ADD3: variants seen among roughly 807,000 people sequenced by gnomAD.
The protein encoded by ADD3 is adducin 3.
Under a neutral mutation model 80.2 loss-of-function variants are expected in ADD3, and 25 were observed. The ratio of observed to expected loss-of-function variants is 0.31; its 90% confidence interval spans 0.23 to 0.44. The LOEUF (loss-of-function observed/expected upper bound fraction) is 0.44, where lower values mean the gene tolerates loss of function less well. Ranked by LOEUF, ADD3 falls within the 20% of genes least tolerant of loss-of-function variation. ADD3 has a pLI of 1.00. For missense variants in ADD3, 829 were observed against 847.5 expected (o/e 0.98, Z 0.27); for synonymous variants, 284 against 289.6 (o/e 0.98, Z 0.20).
At chr10:110,072,614 T>C (rs1180338760) in intron 1 of ADD3, among the ~76,000 whole-genome samples, 2 of 152,154 alleles carry the variant, frequency 1.3e-5, no homozygotes, top group Non-Finnish European at 2.9e-5. Flanking sequence ...ATCCCTCAAA[T>C]AGGAAATTAT....
At chr10:110,121,814 A>T (rs1388186366) in intron 8 of ADD3, 1 of 226,262 alleles carries the variant, frequency 4.4e-6, no homozygotes, top group South Asian at 1.8e-4. Context: ...AAACTTCAAG[A>T]AAAGAAATTT....
chr10:110,117,199 T>C (rs1013376587), intron 4 of ADD3, 143 bp from the exon 5 acceptor site: 2 of 515,530 alleles, frequency 3.9e-6, no homozygotes, highest in Non-Finnish European at 6.8e-6. Flanking sequence ...GAAAGTTTCA[T>C]GTTGTAGACC....
At chr10:110,093,041 T>C (rs1345126898) in intron 1 of ADD3, among the ~76,000 whole-genome samples, 3 of 152,112 alleles carry the variant, frequency 2.0e-5, no homozygotes, top group African/African-American at 7.2e-5. Flanking sequence ...ACATTTTTAG[T>C]AGAGATGGGG....
chr10:110,006,019 T>G (rs115186858), upstream of ADD3: 3 of 221,224 alleles, frequency 1.4e-5, no homozygotes, highest in African/African-American at 7.6e-5. Context: ...CCGCCGCCGC[T>G]GCTGCTGCTG....
At chr10:110,054,447 T>C (rs1857897404) in intron 1 of ADD3, among the ~76,000 whole-genome samples, 1 of 147,580 alleles carries the variant, frequency 6.8e-6, no homozygotes, top group Non-Finnish European at 1.5e-5. Context: ...CTCTTTTTTT[T>C]TTTTTTTTTT....
intron 1 of ADD3, among the ~76,000 whole-genome samples, chr10:110,084,379 A>G (rs1030873850): frequency 2.1e-4 from 32 of 152,222 alleles, no homozygotes; most frequent in Non-Finnish European, 8.8e-5. Context: ...GATAAAAGTT[A>G]ACAGTTTATT....
rs1853525621 is a variant in ADD3, at chr10:110,135,376, T to C, written c.*1758T>C. The C allele has an allele frequency of 6.6e-6, 1 of 152,652 alleles. No homozygotes were observed. Among genetic ancestry groups the C allele is most frequent in the Non-Finnish European group, 1.5e-5 (1 of 68,044 alleles). 9.5% of individuals were successfully genotyped at this position (152,652 alleles called of 1,614,324 possible). On this transcript the variant is annotated 3_prime_UTR_variant, in exon 15 of 15. Coordinates refer to ENST00000356080, the MANE Select transcript of ADD3 (RefSeq NM_016824.5). ...TATATCTAAATGAATGCAATGTGCA[T>C]AAATATTTTTTAAACATAACAGTGA...
intron 10 of ADD3, 100 bp from the exon 11 acceptor site, chr10:110,125,726 C>A: frequency 6.2e-6 from 5 of 810,278 alleles, no homozygotes; most frequent in Non-Finnish European, 5.5e-6. Context: ...ATTATTTAAA[C>A]ATTGGCAATG....
chr10:110,044,318 A>G (rs940975128), intron 1 of ADD3, among the ~76,000 whole-genome samples: 1 of 152,214 alleles, frequency 6.6e-6, no homozygotes, highest in Admixed American at 6.5e-5. Context: ...TTGTCGCTTT[A>G]TATTATTGTG....
At chr10:110,054,904 G>A (rs532541862) in intron 1 of ADD3, among the ~76,000 whole-genome samples, 26 of 152,192 alleles carry the variant, frequency 1.7e-4, no homozygotes, top group Middle Eastern at 3.4e-3. Flanking sequence ...ATGAGCCACC[G>A]CGCCTGGCCT....
At chr10:109,998,379 G>T (rs1301403935) in intron 1 of ADD3, among the ~76,000 whole-genome samples, 1 of 152,072 alleles carries the variant, frequency 6.6e-6, no homozygotes, top group Non-Finnish European at 1.5e-5. Flanking sequence ...ATATACCCAA[G>T]ATCTTTCACT....
chr10:110,007,119 T>A (rs746161764), upstream of ADD3, among the ~76,000 whole-genome samples: 3 of 152,090 alleles, frequency 2.0e-5, no homozygotes, highest in Non-Finnish European at 4.4e-5. Flanking sequence ...GCCCTGCAAT[T>A]GCGTGTTGCA....
intron 3 of ADD3, among the ~76,000 whole-genome samples, chr10:110,115,976 C>T (rs767937149): frequency 1.3e-5 from 2 of 152,150 alleles, no homozygotes; most frequent in Non-Finnish European, 2.9e-5. Flanking sequence ...ATATGTGTAA[C>T]CATTTTTCCC....
chr10:110,051,931 A>G (rs1245356222), intron 1 of ADD3, among the ~76,000 whole-genome samples: 1 of 152,132 alleles, frequency 6.6e-6, no homozygotes, highest in East Asian at 1.9e-4. Flanking sequence ...CCTCCCAAGT[A>G]GCTGGGACCA....
chr10:110,088,295 C>T (rs1444143889), intron 1 of ADD3, among the ~76,000 whole-genome samples: 2 of 152,140 alleles, frequency 1.3e-5, no homozygotes, highest in Non-Finnish European at 2.9e-5. Flanking sequence ...AAAGATGATA[C>T]ATTTGAAAAA....
chr10:110,001,534 C>T (rs568348935), upstream of ADD3, among the ~76,000 whole-genome samples: 3 of 152,130 alleles, frequency 2.0e-5, no homozygotes, highest in Admixed American at 6.5e-5. Context: ...CATAATGAAA[C>T]GGGGCCATCC....
At chr10:110,037,298 A>C (rs2133251449) in intron 1 of ADD3, among the ~76,000 whole-genome samples, 1 of 152,332 alleles carries the variant, frequency 6.6e-6, no homozygotes, top group South Asian at 2.1e-4. Context: ...GACTAGCCAC[A>C]CAGTTCAGCT....
At chr10:110,103,890 C>T (rs892182968) in intron 2 of ADD3, among the ~76,000 whole-genome samples, 1 of 152,074 alleles carries the variant, frequency 6.6e-6, no homozygotes, top group Admixed American at 6.6e-5. Flanking sequence ...TTAAAGGAAC[C>T]GCAGTCTGTC....
chr10:110,083,121 G>C (rs1469321428), intron 1 of ADD3, among the ~76,000 whole-genome samples: 1 of 152,198 alleles, frequency 6.6e-6, no homozygotes, highest in East Asian at 1.9e-4. Flanking sequence ...GACATACTCA[G>C]ATAATTAAAA....
Sources: gnomAD v4.1 joint callset for allele counts (sites outside exome capture counted in the v4.1 genomes callset) on GRCh38, gnomAD v4.1.1 for gene constraint, MANE v1.5 for transcripts, NCBI Gene and HGNC (gene_info 2026-07-23, HGNC 2026-07-21) for gene names.